Variants in DUS3L observed in about 807,000 individuals in gnomAD.
The protein encoded by DUS3L is tRNA-dihydrouridine(47) synthase [NAD(P)(+)]-like.
Under a neutral mutation model 74.6 loss-of-function variants are expected in DUS3L, and 62 were observed. That is an observed-to-expected ratio of 0.83 (90% confidence interval 0.68 to 1.03). The LOEUF (loss-of-function observed/expected upper bound fraction) is 1.03. Among genes scored for constraint, DUS3L ranks in the 50% least tolerant of loss-of-function variants. DUS3L has a pLI of 0.00. For missense variants in DUS3L, 884 were observed against 924.4 expected (o/e 0.96, Z 0.57); for synonymous variants, 433 against 395.7 (o/e 1.09, Z -1.12).
At position 5,791,152 on chromosome 19, in the gene DUS3L, C is replaced by A; in HGVS notation, c.-11G>T. The A allele has an allele frequency of 1.3e-6, 2 of 1,597,464 alleles. No individual in the cohort carries two copies. Among genetic ancestry groups the A allele is most frequent in the Non-Finnish European group, 1.7e-6 (2 of 1,172,252 alleles). On this transcript the variant is annotated 5_prime_UTR_variant, in exon 1 of 13. The change abolishes the stop of an existing upstream ORF in the 5' untranslated region. Transcript: ENST00000309061. Reference sequence around the variant, plus strand: ...CGTTCCCTCCGCCATCGGCGCCCCTCACATCCGCTCTGGAGTGTGGCGGGA... The same window carrying A: ...CGTTCCCTCCGCCATCGGCGCCCCTAACATCCGCTCTGGAGTGTGGCGGGA...
Position 5,790,138 on chromosome 19 carries a change from G to C in DUS3L, c.296C>G (p.Thr99Ser). 1 of 1,614,170 alleles carries C rather than the reference G, an allele frequency of 6.2e-7. No homozygotes were observed. Among genetic ancestry groups the C allele is most frequent in the Non-Finnish European group, 8.5e-7 (1 of 1,180,042 alleles). ...EAAEPGEQLQ[T>S]QKRARGQNKG... ...GTTTTGTCCCCGGGCCCTCTTCTGA[G>C]TCTGTAGCTGCTCCCCGGGCTCTGC... The change falls in exon 2 of 13, where the codon ACT becomes AGT. Residue 99 changes from threonine to serine, a missense_variant. Thr to Ser is a moderately conservative substitution (Grantham distance 58). Transcript: ENST00000309061.
Position 5,791,085 on chromosome 19 carries a change from T to C in DUS3L, c.57A>G (p.Gly19=), listed in dbSNP as rs754333877. The change falls in exon 1 of 13, where the codon GGA becomes GGG. Residue 19 remains glycine, a synonymous_variant. Transcript: ENST00000309061. ...PLENGGGGDS[G]AGALERGVAP... Reference sequence around the variant, plus strand: ...CCACTCCTCGTTCCAAAGCTCCGGCTCCCGAGTCGCCACCACCACCATTCT... The same window carrying C: ...CCACTCCTCGTTCCAAAGCTCCGGCCCCCGAGTCGCCACCACCACCATTCT... 6 of 1,608,458 alleles carry C rather than the reference T, an allele frequency of 3.7e-6. No individual in the cohort carries two copies. Among genetic ancestry groups the C allele is most frequent in the East Asian group, 2.2e-5 (1 of 44,736 alleles).
At chr19:5,787,843 T>C in intron 5 of DUS3L, 138 bp from the exon 6 acceptor site, 2 of 1,427,364 alleles carry the variant, frequency 1.4e-6, no homozygotes, top group Non-Finnish European at 1.9e-6. Flanking sequence ...CCAAGGTCTG[T>C]CTGCGAGGCA....
In DUS3L at chr19:5,789,660, G is replaced by GC. The variant is rs1353709225; in HGVS notation, c.446dup (p.Tyr150LeufsTer80). ...GGTCGGCCGGCTTGGTCTCCAGGTA[G>GC]CGCCCCACGTCGTGCAGAAAGCGGC... On this transcript the variant is annotated frameshift_variant, in exon 3 of 13. Transcript: ENST00000309061. LOFTEE classifies it high-confidence loss of function. 3 of 1,609,500 alleles carry GC rather than the reference G, an allele frequency of 1.9e-6. No individual in the cohort carries two copies. The highest frequency in any genetic ancestry group is 2.5e-6 in the Non-Finnish European group (3 of 1,178,808).
At chr19:5,785,888 C>T (rs1392330141) in intron 10 of DUS3L, 97 bp from the exon 11 acceptor site, 5 of 1,346,276 alleles carry the variant, frequency 3.7e-6, no homozygotes, top group African/African-American at 1.5e-5. Context: ...GAGCCCAGAC[C>T]ACAAAACCTA....
chr19:5,785,444 C>T lies in DUS3L; in HGVS notation c.1819G>A (p.Gly607Ser), dbSNP rs868355702. The T allele has an allele frequency of 1.9e-6, 3 of 1,591,416 alleles. No individual in the cohort carries two copies. The Middle Eastern group carries it at 5.1e-4, about 268-fold the overall frequency. Residue 607 changes from glycine (G) to serine (S), a missense_variant, in exon 12 of 13, where the codon GGC (glycine) becomes AGC (serine). Physicochemically the swap from Gly to Ser is moderately conservative, Grantham distance 56 (BLOSUM62 0). Transcript: ENST00000309061. ...ATCAGCGTCTCCAGGTAGTCGCGGC[C>T]CAGGTAGTAGGGCGGCCGCTCGTTG... Reference protein sequence around the residue: ...RINERPPYYLGRDYLETLMAS... With the variant: ...RINERPPYYLSRDYLETLMAS...
At position 5,786,760 on chromosome 19, in the gene DUS3L, A is replaced by G; in HGVS notation, c.1475T>C (p.Met492Thr). Residue 492 changes from methionine to threonine, a missense_variant, in exon 9 of 13, where the codon ATG becomes ACG. Met to Thr is a moderately conservative substitution (Grantham distance 81). Coordinates refer to ENST00000309061, the MANE Select transcript of DUS3L (RefSeq NM_020175.3). ...IEECVQAASP[M>T]PLFGNGDILS... ...CCCGGAACACCCACCGAACAGGGGC[A>G]TGGGGCTGGCGGCCTGCACGCACTC... The G allele has an allele frequency of 6.2e-7, 1 of 1,611,938 alleles. No individual in the cohort carries two copies. Among genetic ancestry groups the G allele is most frequent in the Non-Finnish European group, 8.5e-7 (1 of 1,179,662 alleles).
In DUS3L at chr19:5,790,343, CAGAA is replaced by C. The variant is rs746521411; in HGVS notation, c.99-12_99-9del. ...TCCTTGGTGGTGAGGTATCTGCCGA[CAGAA>C]AGGGAAAGGAAAACCCTCCGAACAT... On this transcript the variant is annotated splice_polypyrimidine_tract_variant and intron_variant, in intron 1 of 12. Transcript: ENST00000309061. 6.2e-7 allele frequency: 1 copy of C among 1,613,738 alleles called. No homozygotes were observed. Among genetic ancestry groups the C allele is most frequent in the South Asian group, 1.1e-5 (1 of 91,076 alleles).
chr19:5,787,305 G>A lies in DUS3L; in HGVS notation c.1269C>T (p.Gly423=), dbSNP rs1441435717. 1 of 1,612,036 alleles carries A rather than the reference G, an allele frequency of 6.2e-7. No homozygotes were observed. The highest frequency in any genetic ancestry group is 8.5e-7 in the Non-Finnish European group (1 of 1,179,418). Residue 423 remains glycine (G), a synonymous_variant, in exon 7 of 13, where the codon GGC becomes GGT. Transcript: ENST00000309061. ...RSTKFQQIVR[G]MNQVLDVPLT... is the part of the protein sequence containing the mutation. ...ATGTGGCTGGCCGTACCTGGTTCATGCCACGGACGATCTGCTGGAACTTGG... is the reference window on the plus strand; with the variant it reads ...ATGTGGCTGGCCGTACCTGGTTCATACCACGGACGATCTGCTGGAACTTGG...
chr19:5,791,044 T>C lies in DUS3L; in HGVS notation c.98A>G (p.Gln33Arg). ...CTTCCCTCCTGCCCCGGCGACTCAC[T>C]GACGCTTAATGGGCGCCACTCCTCG... ...LERGVAPIKR[Q>R]YLTTKEQFHQ... Residue 33 changes from glutamine to arginine, a missense_variant and splice_region_variant, in exon 1 of 13, where the codon CAA becomes CGA. Transcript: ENST00000309061. The C allele has an allele frequency of 6.3e-7, 1 of 1,598,764 alleles. No individual in the cohort carries two copies.
At position 5,788,192 on chromosome 19, in the gene DUS3L, G is replaced by A. The variant is rs937608885; in HGVS notation, c.943-16C>T. 6.2e-7 allele frequency: 1 copy of A among 1,612,830 alleles called. No individual in the cohort carries two copies. Among genetic ancestry groups the A allele is most frequent in the South Asian group, 1.1e-5 (1 of 91,066 alleles). On this transcript the variant is annotated splice_polypyrimidine_tract_variant and intron_variant, in intron 4 of 12. Transcript: ENST00000309061. ...GGTTCCCACACTGCGGGGGGAGCAG[G>A]ACAGACACACATGCTCTTGCACGCG...
Position 5,788,009 on chromosome 19 carries a change from G to A in DUS3L, c.1095+15C>T, listed in dbSNP as rs760619580. On this transcript the variant is annotated intron_variant, in intron 5 of 12. Coordinates refer to ENST00000309061, the MANE Select transcript of DUS3L (RefSeq NM_020175.3). ...AGGGCCCCTCCACTCTCCCTCCCTCGGGGTGGGCACTGACCTGGACGCCAA... is the reference window on the plus strand; with the variant it reads ...AGGGCCCCTCCACTCTCCCTCCCTCAGGGTGGGCACTGACCTGGACGCCAA... The A allele has an allele frequency of 8.1e-6, 13 of 1,611,040 alleles. No homozygotes were observed. The highest frequency in any genetic ancestry group is 5.3e-5 in the African/African-American group (4 of 74,912).
Position 5,789,354 on chromosome 19 carries a change from G to C in DUS3L, c.753C>G (p.Ala251=). The C allele has an allele frequency of 4.4e-6, 7 of 1,598,116 alleles. No individual in the cohort carries two copies. Among genetic ancestry groups the C allele is most frequent in the Non-Finnish European group, 6.0e-6 (7 of 1,173,768 alleles). The change falls in exon 3 of 13, where the codon GCC becomes GCG. Residue 251 remains alanine, a synonymous_variant. Transcript: ENST00000309061. ...AGTTTTCCTGCCTGGGAGCGCCCTC[G>C]GCTGCCGTGCCCTCGGGGACAGCGG... ...PAAAVPEGTA[A]EGAPRQENCG...
At position 5,789,361 on chromosome 19, in the gene DUS3L, G is replaced by A; in HGVS notation, c.746C>T (p.Thr249Met). 2.5e-6 allele frequency: 4 copies of A among 1,594,828 alleles called. No homozygotes were observed. The highest frequency in any genetic ancestry group is 2.6e-6 in the Non-Finnish European group (3 of 1,172,502). ...CTGCCTGGGAGCGCCCTCGGCTGCC[G>A]TGCCCTCGGGGACAGCGGCAGCGGG... ...PTPAAAVPEG[T>M]AAEGAPRQEN... The change falls in exon 3 of 13, where the codon ACG becomes ATG. Residue 249 changes from threonine to methionine, a missense_variant. Coordinates refer to ENST00000309061, the MANE Select transcript of DUS3L (RefSeq NM_020175.3).
chr19:5,786,958 G>A, intron 8 of DUS3L, 103 bp downstream of exon 8: 28 of 1,487,572 alleles, frequency 1.9e-5, no homozygotes, highest in Non-Finnish European at 2.4e-5. Flanking sequence ...GAGACAGAGG[G>A]AGGTGTGGAG....
chr19:5,785,237 A>G lies in DUS3L; in HGVS notation c.1919T>C (p.Phe640Ser), dbSNP rs757464660. The change falls in exon 13 of 13, where the codon TTC becomes TCC. Residue 640 changes from phenylalanine (F) to serine (S), a missense_variant. Physicochemically the swap from Phe to Ser is radical, Grantham distance 155. Transcript: ENST00000309061. ...CGCGTTGGCCTTGTGCTTCGGCAAG[A>G]AGGCGAAGCTGGGGGGCACTGGCCC... ...LLGPVPPSFA[F>S]LPKHKANAYK 110 of 1,610,592 alleles carry G rather than the reference A, an allele frequency of 6.8e-5. No homozygotes were observed. Among genetic ancestry groups the G allele is most frequent in the Non-Finnish European group, 8.9e-5 (105 of 1,179,170 alleles).
intron 5 of DUS3L, 143 bp from the exon 6 acceptor site, chr19:5,787,848 G>A (rs147553207): frequency 0.011 from 15,978 of 1,423,548 alleles, 139 homozygotes; most frequent in Middle Eastern, 0.015. Flanking sequence ...GTCTGTCTGC[G>A]AGGCACCGGT....
At chr19:5,786,918 G>C in intron 8 of DUS3L, 73 bp from the exon 9 acceptor site, 1 of 1,519,368 alleles carries the variant, frequency 6.6e-7, no homozygotes, top group Non-Finnish European at 8.8e-7. Flanking sequence ...AAGAGAGCCA[G>C]GCTGAGAGAG....
rs769366681 is a variant in DUS3L at position 5,786,483 on chromosome 19, C to A, written c.1546G>T (p.Gly516Trp). Residue 516 changes from glycine to tryptophan, a missense_variant, in exon 10 of 13, where the codon GGG becomes TGG. Physicochemically the swap from Gly to Trp is radical, Grantham distance 184 (BLOSUM62 -2). Coordinates refer to ENST00000309061, the MANE Select transcript of DUS3L (RefSeq NM_020175.3). ...GGCACTTACCGGGCAATCATGATCC[C>A]GGTGACACCAGTCTGCATGGCGCGG... The part of the protein sequence containing the change: ...ANRAMQTGVT[G>W]IMIARGALLK... The A allele has an allele frequency of 6.2e-7, 1 of 1,612,924 alleles. No individual in the cohort carries two copies.
Sources: gnomAD v4.1 joint callset for allele counts on GRCh38, gnomAD v4.1.1 for gene constraint, MANE v1.5 for transcripts, NCBI Gene and HGNC (gene_info 2026-07-23, HGNC 2026-07-21) for gene names.